Variants in UNC13C observed in about 807,000 individuals in gnomAD.
The protein encoded by UNC13C is protein unc-13 homolog C.
In UNC13C, 174 loss-of-function variants were observed where a neutral mutation model predicts 245.4. The observed-to-expected ratio is 0.71, with a 90% CI of 0.63 to 0.80. UNC13C has a LOEUF of 0.80. Among genes scored for constraint, UNC13C ranks in the 30% least tolerant of loss-of-function variants. The probability of loss-of-function intolerance (pLI) is 0.00; values close to 1 mark genes in which losing one functional copy is unlikely to be tolerated. For synonymous variants in UNC13C, 992 were observed against 895.1 expected, an observed-to-expected ratio of 1.11 and a Z score of -1.93; for missense variants, 2,829 against 2,602.9, an observed-to-expected ratio of 1.09 and a Z score of -1.89.
At chr15:54,086,737 C>CTTTTTTTTTTTTCTTTTTTTTTTT (rs1899262073) in intron 2 of UNC13C, among the ~76,000 whole-genome samples, 1 of 92,012 alleles carries the variant, frequency 1.1e-5, no homozygotes, top group Non-Finnish European at 2.1e-5. Context: ...TATTTTCTTT[C>CTTTTTTTTTTTTCTTTTTTTTTTT]TTTTTTTTTT....
chr15:54,570,051 T>TTGGGAA (rs1287214511), intron 30 of UNC13C, among the ~76,000 whole-genome samples: 2 of 152,076 alleles, frequency 1.3e-5, no homozygotes, highest in African/African-American at 4.8e-5. Context: ...CCTCAGTGTT[T>TTGGGAA]TGGGGAATGG....
the UNC13C span, among the ~76,000 whole-genome samples, chr15:53,854,272 C>A: frequency 1.3e-5 from 2 of 151,876 alleles, no homozygotes; most frequent in Admixed American, 1.3e-4. Flanking sequence ...AGGCACACAC[C>A]ACCATGCCTG....
At position 54,341,472 on chromosome 15, in the gene UNC13C, A is replaced by G. The variant is rs79117041; in HGVS notation, c.4713+2983A>G. 9.9e-3 allele frequency among the ~76,000 whole-genome samples: 1,504 copies of G among 152,278 alleles called. 20 individuals are homozygous for G. Among genetic ancestry groups the G allele is most frequent in the African/African-American group, 0.035 (1,437 of 41,556 alleles). ...GCTTAAAAACTCACTATTGGGTCCTATGTTCAGTACCTGGGTAAGGGGATC... is the reference window on the plus strand; with the variant it reads ...GCTTAAAAACTCACTATTGGGTCCTGTGTTCAGTACCTGGGTAAGGGGATC... On this transcript the variant is annotated intron_variant, in intron 17 of 32. Transcript: ENST00000260323.
At chr15:54,164,053 A>T (rs1449672033) in intron 4 of UNC13C, among the ~76,000 whole-genome samples, 1 of 152,140 alleles carries the variant, frequency 6.6e-6, no homozygotes. Flanking sequence ...AACTCTGCAA[A>T]ATGATGCTTG....
At chr15:54,414,637 C>A (rs561103093) in intron 18 of UNC13C, among the ~76,000 whole-genome samples, 12 of 149,570 alleles carry the variant, frequency 8.0e-5, no homozygotes, top group Non-Finnish European at 1.5e-4. Flanking sequence ...AAGAGTGAGA[C>A]TCTGTCTCAA....
At chr15:54,299,618 T>C (rs1331655126) in intron 12 of UNC13C, among the ~76,000 whole-genome samples, 1 of 152,148 alleles carries the variant, frequency 6.6e-6, no homozygotes, top group African/African-American at 2.4e-5. Flanking sequence ...CCAACTTTAC[T>C]ATCTAAAGTG....
At position 54,466,008 on chromosome 15, in the gene UNC13C, A is replaced by G. The variant is rs1055245247; in HGVS notation, c.4934-28600A>G. On this transcript the variant is annotated intron_variant, in intron 19 of 32. Coordinates refer to ENST00000260323, the MANE Select transcript of UNC13C (RefSeq NM_001080534.3). ...ATACACAGTGGAATATTATTAAGCC[A>G]TAAAAAGAATGGAATCCTGTTATAT... Among the ~76,000 whole-genome samples the G allele has an allele frequency of 2.0e-5, 3 of 152,084 alleles. No homozygotes were observed. In the South Asian group the frequency reaches 6.2e-4, roughly 31 times the overall value.
At chr15:54,494,055 G>T (rs184522545) in intron 19 of UNC13C, among the ~76,000 whole-genome samples, 6 of 152,114 alleles carry the variant, frequency 3.9e-5, no homozygotes, top group Admixed American at 3.9e-4. Context: ...TAATGCTTTA[G>T]GGGGTAAATA....
At chr15:54,071,660 GA>G (rs937795550) in intron 2 of UNC13C, among the ~76,000 whole-genome samples, 1 of 147,248 alleles carries the variant, frequency 6.8e-6, no homozygotes, top group Non-Finnish European at 1.5e-5. Flanking sequence ...TGAAATGGTT[GA>G]AAAAAACAAA....
intron 6 of UNC13C, 144 bp from the exon 7 acceptor site, chr15:54,237,475 C>T (rs1325634771): frequency 1.5e-5 from 11 of 720,426 alleles, no homozygotes; most frequent in East Asian, 1.1e-4. Flanking sequence ...CTGGGTGAAT[C>T]GGCTGATTAC....
At chr15:54,057,743 G>T (rs1201570122) in intron 2 of UNC13C, among the ~76,000 whole-genome samples, 1 of 152,206 alleles carries the variant, frequency 6.6e-6, no homozygotes, top group East Asian at 1.9e-4. Flanking sequence ...TAAAAGAATA[G>T]AAATTATAAC....
At chr15:54,263,937 A>G (rs1428111957) in intron 8 of UNC13C, among the ~76,000 whole-genome samples, 1 of 152,126 alleles carries the variant, frequency 6.6e-6, no homozygotes, top group Non-Finnish European at 1.5e-5. Context: ...AATACAAAAG[A>G]AAAGCCTGGG....
intron 7 of UNC13C, among the ~76,000 whole-genome samples, chr15:54,241,903 A>T (rs2035863331): frequency 6.6e-6 from 1 of 152,178 alleles, no homozygotes; most frequent in African/African-American, 2.4e-5. Flanking sequence ...AGTAAAGATT[A>T]TCTCTTGTCT....
chr15:54,291,726 G>A (rs2037304838), intron 10 of UNC13C, among the ~76,000 whole-genome samples: 1 of 151,932 alleles, frequency 6.6e-6, no homozygotes, highest in South Asian at 2.1e-4. Context: ...GTTAAGTTAG[G>A]TAGACATAGT....
At chr15:54,618,819 A>G (rs1186262520) in intron 30 of UNC13C, among the ~76,000 whole-genome samples, 2 of 152,178 alleles carry the variant, frequency 1.3e-5, no homozygotes, top group African/African-American at 4.8e-5. Context: ...ATACAGGACT[A>G]TGAAAATAAC....
At position 54,627,653 on chromosome 15, in the gene UNC13C, T is replaced by C. The variant is rs550021635; in HGVS notation, c.*540T>C. On this transcript the variant is annotated 3_prime_UTR_variant, in exon 33 of 33. Coordinates refer to ENST00000260323, the MANE Select transcript of UNC13C (RefSeq NM_001080534.3). Reference sequence around the variant, plus strand: ...AGAAAAGGTGGGAAATATTTTCTGCTGACCAGTTTCCAACCTTTCTGAAAT... The same window carrying C: ...AGAAAAGGTGGGAAATATTTTCTGCCGACCAGTTTCCAACCTTTCTGAAAT... The C allele has an allele frequency of 5.9e-5, 9 of 152,840 alleles. No homozygotes were observed. In the South Asian group the frequency reaches 1.7e-3, roughly 28 times the overall value. 9.5% of individuals were successfully genotyped at this position (152,840 alleles called of 1,614,324 possible).
chr15:54,224,944 A>T (rs1168850299), intron 4 of UNC13C, among the ~76,000 whole-genome samples: 2 of 150,830 alleles, frequency 1.3e-5, no homozygotes, highest in African/African-American at 4.9e-5. Flanking sequence ...ATAGTTGCTC[A>T]TAGTAGCCTC....
chr15:54,370,954 T>C (rs1006095081), intron 17 of UNC13C, among the ~76,000 whole-genome samples: 4 of 152,194 alleles, frequency 2.6e-5, no homozygotes, highest in African/African-American at 9.6e-5. Context: ...ATGTACATTG[T>C]GGAATGACAA....
In UNC13C at chr15:54,423,577, A is replaced by G. The variant is rs568709167; in HGVS notation, c.4933+8510A>G. 2.5e-3 allele frequency among the ~76,000 whole-genome samples: 378 copies of G among 151,960 alleles called. 2 individuals are homozygous for G. Among genetic ancestry groups the G allele is most frequent in the African/African-American group, 8.6e-3 (359 of 41,520 alleles). On this transcript the variant is annotated intron_variant, in intron 19 of 32. Transcript: ENST00000260323. The stretch of plus-strand genomic sequence containing the variant: ...AAACAAATTAAGATATTCATGGTGA[A>G]TGATCACATCTCTTGGGCAAGGTAT...
Sources: allele counts gnomAD v4.1 joint callset (sites outside exome capture counted in the v4.1 genomes callset), GRCh38; gene constraint gnomAD v4.1.1; transcripts MANE v1.5; gene names NCBI Gene and HGNC (gene_info 2026-07-23, HGNC 2026-07-21).